Variants in FHIP1A observed in about 807,000 individuals in gnomAD.
The protein encoded by FHIP1A is FHF complex subunit HOOK-interacting protein 1A.
A neutral mutation model predicts 88.6 loss-of-function variants in FHIP1A; 61 were observed. The observed-to-expected ratio is 0.69, with a 90% CI of 0.56 to 0.85. FHIP1A has a LOEUF of 0.85. Among genes scored for constraint, FHIP1A ranks in the 40% least tolerant of loss-of-function variants. The pLI is 0.00. For missense variants in FHIP1A, 1,154 were observed against 1,273.5 expected (o/e 0.91, Z 1.43); for synonymous variants, 478 against 496.0 (o/e 0.96, Z 0.48).
At chr4:151,496,233 T>TTA (rs138381883) in intron 3 of FHIP1A, among the ~76,000 whole-genome samples, 6 of 148,640 alleles carry the variant, frequency 4.0e-5, no homozygotes, top group Non-Finnish European at 7.4e-5. Flanking sequence ...AAACAAAAGA[T>TTA]TATATATATA....
Position 151,646,723 on chromosome 4 carries a change from G to C in FHIP1A, c.1392G>C (p.Trp464Cys). 2.6e-6 allele frequency: 4 copies of C among 1,550,994 alleles called. No homozygotes were observed. Among genetic ancestry groups the C allele is most frequent in the Non-Finnish European group, 3.5e-6 (4 of 1,146,744 alleles). ...LGNQERDYIL[W>C]SKCMHDTSGP... ...ACCAAGAGAGGGATTATATTCTCTG[G>C]TCAAAGTGTATGCATGACACTTCAG... Residue 464 changes from tryptophan (W) to cysteine (C), a missense_variant, in exon 10 of 14, where the codon TGG becomes TGC. Physicochemically the swap from Trp to Cys is radical, Grantham distance 215 (BLOSUM62 -2). Coordinates refer to ENST00000435205, the MANE Select transcript of FHIP1A (RefSeq NM_001109977.3).
rs536305631 is a variant in FHIP1A at position 151,485,898 on chromosome 4, A to T, written c.-123+3250A>T. Among the ~76,000 whole-genome samples, 10 of 152,154 alleles carry T rather than the reference A, an allele frequency of 6.6e-5. No individual in the cohort carries two copies. The South Asian group carries it at 2.1e-3, about 32-fold the overall frequency. On this transcript the variant is annotated intron_variant, in intron 3 of 13. Coordinates refer to ENST00000435205, the MANE Select transcript of FHIP1A (RefSeq NM_001109977.3). Reference sequence around the variant, plus strand: ...GCCACTGTGCCTGGCTGAGGTTTATATTTAACAAGCCCTCTAGGTCAGCAG... The same window carrying T: ...GCCACTGTGCCTGGCTGAGGTTTATTTTTAACAAGCCCTCTAGGTCAGCAG...
intron 3 of FHIP1A, among the ~76,000 whole-genome samples, chr4:151,557,520 C>T (rs1232097916): frequency 1.3e-5 from 2 of 152,152 alleles, no homozygotes; most frequent in Non-Finnish European, 2.9e-5. Flanking sequence ...TGAAACCATT[C>T]AAGTCTATGC....
At chr4:151,459,324 T>A (rs571931526) in intron 2 of FHIP1A, among the ~76,000 whole-genome samples, 1 of 152,274 alleles carries the variant, frequency 6.6e-6, no homozygotes, top group African/African-American at 2.4e-5. Flanking sequence ...CTAAAGACTT[T>A]TAAATAGATA....
intron 7 of FHIP1A, among the ~76,000 whole-genome samples, chr4:151,622,458 C>T (rs1259482699): frequency 6.6e-6 from 1 of 152,150 alleles, no homozygotes; most frequent in Non-Finnish European, 1.5e-5. Context: ...GGCAGCCCAG[C>T]ACCAGACCTC....
At chr4:151,562,844 A>C (rs891145339) in intron 3 of FHIP1A, among the ~76,000 whole-genome samples, 14 of 152,186 alleles carry the variant, frequency 9.2e-5, no homozygotes, top group African/African-American at 3.1e-4. Context: ...CTGGGAATGA[A>C]GTTTTTACAC....
At chr4:151,655,350 A>G (rs975888702) in intron 11 of FHIP1A, among the ~76,000 whole-genome samples, 2 of 152,210 alleles carry the variant, frequency 1.3e-5, no homozygotes, top group African/African-American at 2.4e-5. Context: ...CCTGCCCTCA[A>G]TGAACTCAAA....
chr4:151,423,297 AATTT>A (rs1019549068), intron 1 of FHIP1A, among the ~76,000 whole-genome samples: 1 of 151,876 alleles, frequency 6.6e-6, no homozygotes, highest in Admixed American at 6.6e-5. Context: ...TCATATAGCT[AATTT>A]ATTTATATAT....
intron 7 of FHIP1A, among the ~76,000 whole-genome samples, chr4:151,612,223 G>A (rs189167835): frequency 6.6e-6 from 1 of 152,152 alleles, no homozygotes; most frequent in East Asian, 1.9e-4. Context: ...TCCTTTCATG[G>A]CCTAGGTTTA....
Position 151,649,913 on chromosome 4 carries a change from C to T in FHIP1A, c.1872C>T (p.Ala624=). Reference sequence around the variant, plus strand: ...ACATCCAGGAGATGAAGAAGAATGCCCTCCTGCTCTTCAAAGGGTCCTACA... The same window carrying T: ...ACATCCAGGAGATGAAGAAGAATGCTCTCCTGCTCTTCAAAGGGTCCTACA... The part of the protein sequence containing the change: ...PKHIQEMKKN[A]LLLFKGSYIE... Residue 624 remains alanine, a synonymous_variant, in exon 11 of 14, where the codon GCC becomes GCT. Transcript: ENST00000435205. 1 of 1,551,510 alleles carries T rather than the reference C, an allele frequency of 6.4e-7. No individual in the cohort carries two copies. The highest frequency in any genetic ancestry group is 8.7e-7 in the Non-Finnish European group (1 of 1,146,972).
chr4:151,450,394 C>T (rs1728749462), intron 1 of FHIP1A, among the ~76,000 whole-genome samples: 1 of 151,974 alleles, frequency 6.6e-6, no homozygotes, highest in Non-Finnish European at 1.5e-5. Context: ...GAAGTATAGA[C>T]CATATACTTT....
intron 1 of FHIP1A, among the ~76,000 whole-genome samples, chr4:151,411,346 TATA>T (rs796651836): frequency 6.0e-5 from 2 of 33,170 alleles, no homozygotes; most frequent in Admixed American, 3.1e-4. Flanking sequence ...AAATTATATA[TATA>T]TTTTTTTTTT....
At chr4:151,625,989 C>T (rs1735937890) in intron 7 of FHIP1A, among the ~76,000 whole-genome samples, 1 of 152,148 alleles carries the variant, frequency 6.6e-6, no homozygotes, top group Non-Finnish European at 1.5e-5. Context: ...GTGAACTGTG[C>T]TCCTGTGGTG....
intron 3 of FHIP1A, among the ~76,000 whole-genome samples, chr4:151,506,858 A>C (rs1730854228): frequency 6.6e-6 from 1 of 152,242 alleles, no homozygotes; most frequent in Non-Finnish European, 1.5e-5. Context: ...CAGTTATGTA[A>C]TATGGGAAGA....
chr4:151,543,204 G>A (rs1732362529), intron 3 of FHIP1A, among the ~76,000 whole-genome samples: 1 of 152,192 alleles, frequency 6.6e-6, no homozygotes, highest in Admixed American at 6.5e-5. Flanking sequence ...TCCAGCAGAT[G>A]TGGCAGGGCT....
rs1054691139 is a variant in FHIP1A at position 151,669,456 on chromosome 4, G to T, written c.*6702G>T. 6.6e-6 allele frequency among the ~76,000 whole-genome samples: 1 copy of T among 152,182 alleles called. No homozygotes were observed. The highest frequency in any genetic ancestry group is 1.9e-4 in the East Asian group (1 of 5,198). On this transcript the variant is annotated 3_prime_UTR_variant, in exon 14 of 14. Transcript: ENST00000435205. ...TAAATGGTCTGGAAAGATCTTCGAT[G>T]CTTTCTGTAAGGTTTAGTCACCAAG...
intron 3 of FHIP1A, among the ~76,000 whole-genome samples, chr4:151,527,229 G>A (rs1391122684): frequency 3.9e-5 from 6 of 152,172 alleles, no homozygotes; most frequent in Non-Finnish European, 7.4e-5. Context: ...TCCAGCCTGG[G>A]CACCATTGAG....
chr4:151,458,286 C>CA (rs1443848123), intron 2 of FHIP1A, among the ~76,000 whole-genome samples: 1 of 152,138 alleles, frequency 6.6e-6, no homozygotes, highest in Non-Finnish European at 1.5e-5. Context: ...TTAAGCTACT[C>CA]AGAGTGTTGG....
intron 7 of FHIP1A, among the ~76,000 whole-genome samples, chr4:151,608,037 CTTTTTTTTTT>C (rs376335318): frequency 5.4e-4 from 36 of 67,138 alleles, no homozygotes; most frequent in Middle Eastern, 0.012. Flanking sequence ...CTTTCTTCTT[CTTTTTTTTTT>C]TTTTTTTTTT....
Sources: gnomAD v4.1 joint callset for allele counts (sites outside exome capture counted in the v4.1 genomes callset) on GRCh38, gnomAD v4.1.1 for gene constraint, MANE v1.5 for transcripts, NCBI Gene and HGNC (gene_info 2026-07-23, HGNC 2026-07-21) for gene names.